The following DGKZ variants were observed in gnomAD, a reference collection of about 807,000 sequenced individuals.
The protein encoded by DGKZ is diacylglycerol kinase zeta.
A neutral mutation model predicts 142.5 loss-of-function variants in DGKZ; 45 were observed. The observed-to-expected ratio is 0.32, with a 90% confidence interval of 0.25 to 0.40. The LOEUF (loss-of-function observed/expected upper bound fraction) is 0.40, where lower values mean the gene tolerates loss of function less well. Among genes scored for constraint, DGKZ ranks in the 10% least tolerant of loss-of-function variants. The pLI, the probability that DGKZ is intolerant of heterozygous loss-of-function variation, is 1.00. For synonymous variants in DGKZ, 442 were observed against 527.0 expected, an observed-to-expected ratio of 0.84 and a Z score of 2.21; for missense variants, 755 against 1,306.5, an observed-to-expected ratio of 0.58 and a Z score of 6.51.
intron 1 of DGKZ, among the ~76,000 whole-genome samples, chr11:46,363,622 T>C (rs984721541): frequency 1.3e-4 from 20 of 152,218 alleles, no homozygotes; most frequent in African/African-American, 4.8e-4. Flanking sequence ...GGCCGCAAGC[T>C]GGGCTCAGCC....
At chr11:46,374,482 G>A (rs1295727005) in intron 16 of DGKZ, 28 bp downstream of exon 16, 1 of 1,613,900 alleles carries the variant, frequency 6.2e-7, no homozygotes. Flanking sequence ...CCCCGCCTGT[G>A]CCCACCTCTT....
At chr11:46,361,839 G>T (rs1002515804) in intron 1 of DGKZ, 16 of 241,220 alleles carry the variant, frequency 6.6e-5, no homozygotes, top group Non-Finnish European at 1.1e-4. Flanking sequence ...GCCCTGCCAG[G>T]TTCCTGAAGC....
At chr11:46,361,631 C>T (rs914394466) in intron 1 of DGKZ, 45 of 985,478 alleles carry the variant, frequency 4.6e-5, no homozygotes, top group African/African-American at 1.0e-4. Flanking sequence ...TCAGCAGAGG[C>T]CGCCAGCCCG....
chr11:46,335,161 A>C (rs1939953431), intron 1 of DGKZ, among the ~76,000 whole-genome samples: 1 of 152,070 alleles, frequency 6.6e-6, no homozygotes, highest in Non-Finnish European at 1.5e-5. Flanking sequence ...TAAATATACA[A>C]AAATTAACCA....
At chr11:46,350,506 C>T (rs1455115584) in intron 1 of DGKZ, among the ~76,000 whole-genome samples, 1 of 152,106 alleles carries the variant, frequency 6.6e-6, no homozygotes, top group East Asian at 1.9e-4. Context: ...GCCCCCTCCC[C>T]ACCCCACCCA....
chr11:46,353,383 G>T (rs1348205303), intron 1 of DGKZ, among the ~76,000 whole-genome samples: 1 of 152,188 alleles, frequency 6.6e-6, no homozygotes, highest in Non-Finnish European at 1.5e-5. Context: ...TTAGTGAAAG[G>T]TCTTTGCCTC....
intron 1 of DGKZ, among the ~76,000 whole-genome samples, chr11:46,356,036 C>T (rs535047593): frequency 2.0e-4 from 31 of 152,200 alleles, no homozygotes; most frequent in Admixed American, 1.0e-3. Flanking sequence ...ATGAGCCACC[C>T]GCCCGGCCAG....
At chr11:46,342,484 T>TGCTC (rs1940327592), upstream of DGKZ, among the ~76,000 whole-genome samples, 1 of 152,218 alleles carries the variant, frequency 6.6e-6, no homozygotes, top group Admixed American at 6.5e-5. Flanking sequence ...TCTGTTTAAC[T>TGCTC]GCTCGAGCTA....
intron 1 of DGKZ, among the ~76,000 whole-genome samples, chr11:46,361,152 T>G (rs1294315297): frequency 2.6e-5 from 4 of 152,224 alleles, no homozygotes; most frequent in Non-Finnish European, 5.9e-5. Flanking sequence ...GATACTTATT[T>G]TTGTGATTGT....
rs368592676 is a variant in DGKZ, at chr11:46,333,658, G to A, written c.212+171G>A. Among the ~76,000 whole-genome samples the A allele has an allele frequency of 9.2e-5, 14 of 152,214 alleles. No individual in the cohort carries two copies. In the South Asian group the frequency reaches 2.7e-3, roughly 29 times the overall value. On this transcript the variant is annotated intron_variant, in intron 1 of 30. Transcript: ENST00000343674. ...GTACAGCGGGAAGGAGGCAGCTTCT[G>A]AGACTCCTTCTCTGCCTGAACCGTG...
chr11:46,368,138 C>T (rs754498270), intron 4 of DGKZ, 59 bp downstream of exon 4: 9 of 1,549,852 alleles, frequency 5.8e-6, no homozygotes, highest in South Asian at 1.1e-5. Flanking sequence ...GCCCTTTCAG[C>T]GCGCACTCAC....
intron 1 of DGKZ, among the ~76,000 whole-genome samples, chr11:46,360,509 T>C (rs1590489873): frequency 6.9e-6 from 1 of 145,362 alleles, no homozygotes; most frequent in African/African-American, 2.5e-5. Context: ...AAAAAAAGGC[T>C]GGGTGCGGTG....
intron 6 of DGKZ, among the ~76,000 whole-genome samples, chr11:46,370,625 G>A (rs1272907257): frequency 2.0e-5 from 3 of 152,186 alleles, no homozygotes; most frequent in African/African-American, 4.8e-5. Flanking sequence ...GTCAGGCCTC[G>A]GGGGTAGGAA....
chr11:46,364,207 A>G (rs1336996366), intron 1 of DGKZ: 1 of 226,072 alleles, frequency 4.4e-6, no homozygotes, highest in Non-Finnish European at 7.4e-6. Flanking sequence ...GGACTCCAGC[A>G]CTGACTCCAC....
intron 24 of DGKZ, 94 bp from the exon 25 acceptor site, chr11:46,376,979 T>C (rs1944623648): frequency 1.7e-6 from 2 of 1,161,740 alleles, no homozygotes; most frequent in Non-Finnish European, 2.5e-6. Context: ...GTGTTTGTGC[T>C]CATGGCAGAG....
Position 46,347,868 on chromosome 11 carries a change from C to T in DGKZ, c.161+48C>T, listed in dbSNP as rs188589648. On this transcript the variant is annotated intron_variant, in intron 1 of 30. Coordinates refer to ENST00000527911, the Ensembl canonical transcript of DGKZ. The surrounding 1 kb of genome is among the most constrained non-coding windows in gnomAD (Gnocchi z 6.4). ...AGGCACCGAGGCACCGGCAGGTTAC[C>T]GCTCCCTCACCGGGGGACATTCCTC... 521 of 1,269,298 alleles carry T rather than the reference C, an allele frequency of 4.1e-4. 4 individuals are homozygous for T. In the East Asian group the frequency reaches 0.012, roughly 30 times the overall value. 78.6% of individuals were successfully genotyped at this position (1,269,298 alleles called of 1,614,324 possible).
At chr11:46,352,931 G>A (rs1941585566) in intron 1 of DGKZ, among the ~76,000 whole-genome samples, 1 of 152,230 alleles carries the variant, frequency 6.6e-6, no homozygotes, top group Non-Finnish European at 1.5e-5. Flanking sequence ...AAATGCCCTG[G>A]AAGAGCTATC....
At chr11:46,341,332 G>C (rs926009789) in intron 1 of DGKZ, among the ~76,000 whole-genome samples, 1 of 152,218 alleles carries the variant, frequency 6.6e-6, no homozygotes, top group South Asian at 2.1e-4. Flanking sequence ...ATTTTGTAAG[G>C]AAGCAAGACT....
At chr11:46,348,246 G>T (rs971137771) in intron 1 of DGKZ, among the ~76,000 whole-genome samples, 3 of 152,208 alleles carry the variant, frequency 2.0e-5, no homozygotes, top group African/African-American at 7.2e-5. Flanking sequence ...CACCACTGAG[G>T]TGGGGATCAC....
Sources: gnomAD v4.1 joint callset for allele counts (sites outside exome capture counted in the v4.1 genomes callset) on GRCh38, gnomAD v4.1.1 for gene constraint, Gnocchi (gnomAD v3.1) non-coding constraint, MANE v1.5 for transcripts, NCBI Gene and HGNC (gene_info 2026-07-23, HGNC 2026-07-21) for gene names.